Variants in TGFBR3L observed in about 807,000 individuals in gnomAD.
TGFBR3L encodes transforming growth factor-beta receptor type 3-like protein.
In TGFBR3L, 21 loss-of-function variants were observed where a neutral mutation model predicts 20.4. The observed-to-expected ratio is 1.03, with a 90% confidence interval of 0.73 to 1.48. The LOEUF (loss-of-function observed/expected upper bound fraction) is 1.48, where lower values mean the gene tolerates loss of function less well. TGFBR3L is among the 40% of genes most tolerant of loss of function. The probability of loss-of-function intolerance (pLI) is 0.00; values close to 1 mark genes in which losing one functional copy is unlikely to be tolerated. For missense variants in TGFBR3L, 479 were observed against 498.0 expected (o/e 0.96, Z 0.36); for synonymous variants, 245 against 244.2 (o/e 1.00, Z -0.03).
chr19:7,917,496 C>T lies in TGFBR3L; in HGVS notation c.621C>T (p.Cys207=), dbSNP rs775677659. ...AGTGTCTGCCTCAGGACGAGGCGTGCGCCGACACTGGCAGTGGCAGCGCCG... is the reference window on the plus strand; with the variant it reads ...AGTGTCTGCCTCAGGACGAGGCGTGTGCCGACACTGGCAGTGGCAGCGCCG... Residue 207 remains cysteine, a synonymous_variant, in exon 3 of 6, where the codon TGC becomes TGT. Coordinates refer to ENST00000565886, the MANE Select transcript of TGFBR3L (RefSeq NM_001195259.2). The T allele has an allele frequency of 1.3e-6, 2 of 1,526,172 alleles. No homozygotes were observed. The highest frequency in any genetic ancestry group is 1.2e-5 in the South Asian group (1 of 83,268). 94.5% of individuals were successfully genotyped at this position (1,526,172 alleles called of 1,614,324 possible).
In TGFBR3L at chr19:7,916,446, G is replaced by A; in HGVS notation, c.179G>A (p.Arg60Lys). 9 of 1,534,180 alleles carry A rather than the reference G, an allele frequency of 5.9e-6. No homozygotes were observed. The highest frequency in any genetic ancestry group is 7.9e-6 in the Non-Finnish European group (9 of 1,146,058). ...GCGGCGCCCGGCCCCTGGCTGCGCA[G>A]ACCCCTCTTCAGCCTGAAGCTGTCC... The change falls in exon 1 of 6, where the codon AGA becomes AAA. Residue 60 changes from arginine (R) to lysine (K), a missense_variant. Arg to Lys is a conservative substitution (Grantham distance 26, BLOSUM62 2). Transcript: ENST00000565886.
rs906359922 is a variant in TGFBR3L, at chr19:7,915,194, C to T, written c.-1074C>T. Among the ~76,000 whole-genome samples, 93 of 152,200 alleles carry T rather than the reference C, an allele frequency of 6.1e-4. No individual in the cohort carries two copies. Among genetic ancestry groups the T allele is most frequent in the Non-Finnish European group, 1.2e-3 (82 of 67,988 alleles). On this transcript the variant is annotated 5_prime_UTR_variant, in exon 1 of 6. Transcript: ENST00000565886. The stretch of plus-strand genomic sequence containing the variant: ...TTCCCCATGTTGGCCAGGCTGGTCT[C>T]GAACTCCTGACCTCAGGCGATCCGC...
At position 7,915,282 on chromosome 19, in the gene TGFBR3L, ACT is replaced by A. The variant is rs1568284422; in HGVS notation, c.-981_-980del. 6.7e-6 allele frequency among the ~76,000 whole-genome samples: 1 copy of A among 149,150 alleles called. No individual in the cohort carries two copies. On this transcript the variant is annotated 5_prime_UTR_variant, in exon 1 of 6. Coordinates refer to ENST00000565886, the MANE Select transcript of TGFBR3L (RefSeq NM_001195259.2). ...TGAGCCACCGCGCCCCACCGATGTCACTCTCTTTCAACTAGACCTTTGGTGGT... is the reference window on the plus strand; with the variant it reads ...TGAGCCACCGCGCCCCACCGATGTCACTCTTTCAACTAGACCTTTGGTGGT...
intron 4 of TGFBR3L, 97 bp downstream of exon 5, chr19:7,917,956 A>C: frequency 6.9e-7 from 1 of 1,458,456 alleles, no homozygotes; most frequent in Non-Finnish European, 9.0e-7. Flanking sequence ...GATCAACCCT[A>C]GCTAGGCCTG....
intron 5 of TGFBR3L, 49 bp downstream of exon 6, chr19:7,918,178 G>T: frequency 6.6e-7 from 1 of 1,513,730 alleles, no homozygotes; most frequent in South Asian, 1.2e-5. Flanking sequence ...ATCTGACAGT[G>T]ACGCTTCCTA....
At position 7,916,422 on chromosome 19, in the gene TGFBR3L, CG is replaced by C; in HGVS notation, c.157del (p.Ala53ArgfsTer13). On this transcript the variant is annotated frameshift_variant, in exon 1 of 6. Coordinates refer to ENST00000565886, the MANE Select transcript of TGFBR3L (RefSeq NM_001195259.2). LOFTEE classifies it high-confidence loss of function. ...GCCCCGCCAGCTCCCCCGTTCCCCG[CG>C]GCGCCCGGCCCCTGGCTGCGCAGAC... is the stretch of plus-strand genomic sequence containing the variant. 5.9e-6 allele frequency: 9 copies of C among 1,534,718 alleles called. No individual in the cohort carries two copies. Among genetic ancestry groups the C allele is most frequent in the Non-Finnish European group, 7.9e-6 (9 of 1,146,326 alleles).
Position 7,916,913 on chromosome 19 carries a change from A to ACGCCGC in TGFBR3L, c.585_590dup (p.Pro196_Pro197dup), listed in dbSNP as rs532844274. ...AGTCCGCCGGGCGCCTGCGCCTCTG[A>ACGCCGC]CGCCGCCGCCGCCGCCGCCGCCATC... is the stretch of plus-strand genomic sequence containing the variant. On this transcript the variant is annotated inframe_insertion, in exon 2 of 6. Coordinates refer to ENST00000565886, the MANE Select transcript of TGFBR3L (RefSeq NM_001195259.2). 1.9e-4 allele frequency: 254 copies of ACGCCGC among 1,306,172 alleles called. 2 individuals are homozygous for ACGCCGC. In the South Asian group the frequency reaches 2.3e-3, roughly 12 times the overall value. The allele number at this position is 1,306,172 out of a possible 1,614,324, so 80.9% of individuals were successfully genotyped here. A position where few individuals can be genotyped will look rare whatever the true frequency, so the allele number is the denominator to read the frequency against.
intron 5 of TGFBR3L, 124 bp from the exon 7 acceptor site, chr19:7,918,793 T>C (rs1983442139): frequency 5.0e-6 from 2 of 397,068 alleles, no homozygotes; most frequent in Non-Finnish European, 8.9e-6. Flanking sequence ...GAACTCAGCA[T>C]TCGGACCCGG....
At chr19:7,917,352 G>A (rs1236881548) in intron 2 of TGFBR3L, 121 bp from the exon 4 acceptor site, 12 of 1,358,356 alleles carry the variant, frequency 8.8e-6, no homozygotes, top group Non-Finnish European at 1.1e-5. Context: ...GGATTTCCAG[G>A]GGTCCCATCT....
Position 7,918,082 on chromosome 19 carries a change from G to A in TGFBR3L, c.909G>A (p.Ala303=), listed in dbSNP as rs763277408. 1 of 1,535,690 alleles carries A rather than the reference G, an allele frequency of 6.5e-7. No homozygotes were observed. Among genetic ancestry groups the A allele is most frequent in the Admixed American group, 2.0e-5 (1 of 50,982 alleles). Residue 303 remains alanine (A), a synonymous_variant, in exon 5 of 6, where the codon GCG becomes GCA. Transcript: ENST00000565886. ...CGCCCCACGCCCCTGGCCCGCCCGC[G>A]AGAGCCTCGCCCAGCGGTCCCCAGC...
intron 5 of TGFBR3L, 25 bp from the exon 7 acceptor site, chr19:7,918,892 G>C (rs981591175): frequency 2.5e-6 from 1 of 398,386 alleles, no homozygotes; most frequent in African/African-American, 2.1e-5. Flanking sequence ...CCCCTCCCTC[G>C]CTGAGCCTCA....
At position 7,919,002 on chromosome 19, in the gene TGFBR3L, G is replaced by A. The variant is rs1599638615; in HGVS notation, c.*91G>A. ...CAACAGGACCGGACCCGCCTCCCTGGACCTCGGACCTGATGAGGCCACGAC... is the reference window on the plus strand; with the variant it reads ...CAACAGGACCGGACCCGCCTCCCTGAACCTCGGACCTGATGAGGCCACGAC... On this transcript the variant is annotated 3_prime_UTR_variant, in exon 6 of 6. Coordinates refer to ENST00000565886, the MANE Select transcript of TGFBR3L (RefSeq NM_001195259.2). 1.0e-5 allele frequency: 4 copies of A among 398,596 alleles called. No individual in the cohort carries two copies. The highest frequency in any genetic ancestry group is 2.1e-5 in the African/African-American group (1 of 48,606). The allele number at this position is 398,596 out of a possible 1,614,324, so 24.7% of individuals were successfully genotyped here. A position where few individuals can be genotyped will look rare whatever the true frequency, so the allele number is the denominator to read the frequency against.
chr19:7,916,853 C>CA lies in TGFBR3L; in HGVS notation c.509dup (p.His170GlnfsTer52). 3 of 1,422,574 alleles carry CA rather than the reference C, an allele frequency of 2.1e-6. No homozygotes were observed. The highest frequency in any genetic ancestry group is 2.8e-6 in the Non-Finnish European group (3 of 1,087,966). The allele number at this position is 1,422,574 out of a possible 1,614,324, so 88.1% of individuals were successfully genotyped here. ...CTTCAACGCCTCGGTGCAGTTCCTGCACTGCCAGCTGAGCCGCTGCCGCCG... is the reference window on the plus strand; with the variant it reads ...CTTCAACGCCTCGGTGCAGTTCCTGCAACTGCCAGCTGAGCCGCTGCCGCCG... On this transcript the variant is annotated frameshift_variant, in exon 2 of 6. Coordinates refer to ENST00000565886, the MANE Select transcript of TGFBR3L (RefSeq NM_001195259.2). LOFTEE classifies it high-confidence loss of function.
At chr19:7,917,182 A>G in intron 2 of TGFBR3L, 2 of 768,788 alleles carry the variant, frequency 2.6e-6, no homozygotes, top group Non-Finnish European at 1.9e-6. Flanking sequence ...AAGGCCACTA[A>G]GGGGACACAT....
chr19:7,916,282 C>G lies in TGFBR3L; in HGVS notation c.15C>G (p.Ala5=), dbSNP rs1983282545. Reference sequence around the variant, plus strand: ...CGGAGCCCATCATGGGTGAATCGGCCGCCGCAACCGCATCCCTTTTCCAAA... The same window carrying G: ...CGGAGCCCATCATGGGTGAATCGGCGGCCGCAACCGCATCCCTTTTCCAAA... The change falls in exon 1 of 6, where the codon GCC becomes GCG. Residue 5 remains alanine (A), a synonymous_variant. Coordinates refer to ENST00000565886, the MANE Select transcript of TGFBR3L (RefSeq NM_001195259.2). The G allele has an allele frequency of 6.5e-7, 1 of 1,534,738 alleles. No homozygotes were observed.
intron 5 of TGFBR3L, among the ~76,000 whole-genome samples, chr19:7,918,478 C>T (rs183321204): frequency 8.5e-4 from 130 of 152,306 alleles, no homozygotes; most frequent in African/African-American, 2.9e-3. Flanking sequence ...TCAGGTGATC[C>T]TACCGCTTCG....
Position 7,916,636 on chromosome 19 carries a change from T to C in TGFBR3L, c.291T>C (p.Arg97=). Residue 97 remains arginine, a synonymous_variant, in exon 2 of 6, where the codon CGT becomes CGC. Coordinates refer to ENST00000565886, the MANE Select transcript of TGFBR3L (RefSeq NM_001195259.2). ...CCGTCCCCCAGGCGGCCTTGGCCCGTCCCTCCCCGCGCTGGGGCCTGGCCC... is the reference window on the plus strand; with the variant it reads ...CCGTCCCCCAGGCGGCCTTGGCCCGCCCCTCCCCGCGCTGGGGCCTGGCCC... 1.4e-6 allele frequency: 2 copies of C among 1,421,092 alleles called. No individual in the cohort carries two copies. The highest frequency in any genetic ancestry group is 3.1e-5 in the South Asian group (2 of 65,498). The allele number at this position is 1,421,092 out of a possible 1,614,324, so 88.0% of individuals were successfully genotyped here.
In TGFBR3L at chr19:7,915,136, G is replaced by A. The variant is rs1983217967; in HGVS notation, c.-1132G>A. On this transcript the variant is annotated 5_prime_UTR_variant, in exon 1 of 6. Coordinates refer to ENST00000565886, the MANE Select transcript of TGFBR3L (RefSeq NM_001195259.2). ...ACTACAGGCACGCACCACCACGCCT[G>A]GCTAATTGTTGTATTTTTAGTAGAG... Among the ~76,000 whole-genome samples the A allele has an allele frequency of 6.6e-6, 1 of 152,144 alleles. No individual in the cohort carries two copies. The highest frequency in any genetic ancestry group is 2.1e-4 in the South Asian group (1 of 4,830).
chr19:7,916,371 T>G lies in TGFBR3L; in HGVS notation c.104T>G (p.Phe35Cys), dbSNP rs1339233656. The change falls in exon 1 of 6, where the codon TTT (phenylalanine) becomes TGT (cysteine). Residue 35 changes from phenylalanine to cysteine, a missense_variant. Coordinates refer to ENST00000565886, the MANE Select transcript of TGFBR3L (RefSeq NM_001195259.2). Reference sequence around the variant, plus strand: ...GGAGGCCTAAAGGGCAGCGCGCGTTTTCTCTCCTTTGGGCCGCCCTTCCCC... The same window carrying G: ...GGAGGCCTAAAGGGCAGCGCGCGTTGTCTCTCCTTTGGGCCGCCCTTCCCC... 6 of 1,535,468 alleles carry G rather than the reference T, an allele frequency of 3.9e-6. No homozygotes were observed. Among genetic ancestry groups the G allele is most frequent in the South Asian group, 3.6e-5 (3 of 84,068 alleles).
Sources: gnomAD v4.1 joint callset for allele counts (sites outside exome capture counted in the v4.1 genomes callset) on GRCh38, gnomAD v4.1.1 for gene constraint, MANE v1.5 for transcripts, NCBI Gene and HGNC (gene_info 2026-07-23, HGNC 2026-07-21) for gene names.